SLC15A5: variants seen among roughly 807,000 people sequenced by gnomAD.
The protein encoded by SLC15A5 is solute carrier family 15 member 5.
Under a neutral mutation model 56.1 loss-of-function variants are expected in SLC15A5, and 58 were observed. The observed-to-expected ratio is 1.03, with a 90% CI of 0.84 to 1.29. The LOEUF is 1.29. Ranked by LOEUF, SLC15A5 falls within the 50% of genes most tolerant of loss-of-function variation. The pLI is 0.00. For synonymous variants in SLC15A5, 264 were observed against 250.5 expected, an observed-to-expected ratio of 1.05 and a Z score of -0.51; for missense variants, 681 against 672.1, an observed-to-expected ratio of 1.01 and a Z score of -0.15.
intron 6 of SLC15A5, among the ~76,000 whole-genome samples, chr12:16,219,881 G>A (rs1296066124): frequency 2.6e-5 from 4 of 152,046 alleles, no homozygotes; most frequent in Non-Finnish European, 2.9e-5. Context: ...CAGTGTGTAC[G>A]TGAAAGCTGG....
intron 2 of SLC15A5, among the ~76,000 whole-genome samples, chr12:16,264,031 G>A (rs1317588000): frequency 1.3e-5 from 2 of 152,182 alleles, no homozygotes; most frequent in African/African-American, 4.8e-5. Context: ...ATTGCCTACT[G>A]GAGCTGTGAG....
At chr12:16,266,123 G>T (rs1004806337) in intron 2 of SLC15A5, among the ~76,000 whole-genome samples, 2 of 152,190 alleles carry the variant, frequency 1.3e-5, no homozygotes, top group African/African-American at 4.8e-5. Context: ...CATAAGGTAG[G>T]TGAGGTACAA....
intron 1 of SLC15A5, 103 bp from the exon 2 acceptor site, chr12:16,272,886 A>C: frequency 6.0e-6 from 6 of 997,788 alleles, no homozygotes; most frequent in Non-Finnish European, 8.9e-6. Flanking sequence ...TCATTTTGTG[A>C]TTGTCTTATC....
At chr12:16,233,620 G>A (rs1864320421) in intron 5 of SLC15A5, among the ~76,000 whole-genome samples, 1 of 152,120 alleles carries the variant, frequency 6.6e-6, no homozygotes, top group African/African-American at 2.4e-5. Context: ...CTTTCGTTCT[G>A]GCCTAGAGAG....
chr12:16,256,388 A>G (rs909732399), intron 3 of SLC15A5, among the ~76,000 whole-genome samples: 6 of 152,204 alleles, frequency 3.9e-5, no homozygotes, highest in African/African-American at 9.6e-5. Flanking sequence ...CCTCTTAATT[A>G]AAGTACATAA....
intron 7 of SLC15A5, among the ~76,000 whole-genome samples, chr12:16,212,823 T>G (rs555738327): frequency 5.3e-5 from 8 of 152,220 alleles, no homozygotes; most frequent in South Asian, 4.1e-4. Context: ...CAGAATCAAT[T>G]TTCAAAAATG....
Position 16,235,242 on chromosome 12 carries a change from A to G in SLC15A5, c.1162+4439T>C, listed in dbSNP as rs1440672675. On this transcript the variant is annotated intron_variant, in intron 5 of 8. Transcript: ENST00000344941. The surrounding 1 kb of genome is among the most constrained non-coding windows in gnomAD (Gnocchi z 4.1). The stretch of plus-strand genomic sequence containing the variant: ...TAATATATACAAAACACGACATGTT[A>G]TAAGTATATATGTGTATATATATGT... 2.1e-5 allele frequency among the ~76,000 whole-genome samples: 3 copies of G among 142,214 alleles called. No individual in the cohort carries two copies. Among genetic ancestry groups the G allele is most frequent in the African/African-American group, 7.7e-5 (3 of 38,758 alleles). The allele number at this position is 142,214 out of a possible 152,430, so 93.3% of individuals were successfully genotyped here. A position where few individuals can be genotyped will look rare whatever the true frequency, so the allele number is the denominator to read the frequency against.
intron 5 of SLC15A5, among the ~76,000 whole-genome samples, chr12:16,230,905 A>G (rs181524943): frequency 1.3e-5 from 2 of 149,598 alleles, no homozygotes; most frequent in African/African-American, 4.9e-5. Context: ...CCTAGGCTGC[A>G]GAGCAAGACT....
intron 3 of SLC15A5, among the ~76,000 whole-genome samples, chr12:16,253,923 C>G (rs1864543809): frequency 1.3e-5 from 2 of 151,976 alleles, no homozygotes; most frequent in Non-Finnish European, 2.9e-5. Flanking sequence ...TTCAGCAATC[C>G]CACTTCTGAG....
chr12:16,218,694 T>A (rs1265240782), intron 6 of SLC15A5, among the ~76,000 whole-genome samples: 3 of 152,158 alleles, frequency 2.0e-5, no homozygotes, highest in Non-Finnish European at 4.4e-5. Context: ...CTTATGAAAC[T>A]GCCGTCATAT....
At chr12:16,227,154 T>A (rs1208223202) in intron 5 of SLC15A5, among the ~76,000 whole-genome samples, 1 of 152,172 alleles carries the variant, frequency 6.6e-6, no homozygotes, top group South Asian at 2.1e-4. Context: ...GAGGAATTTT[T>A]AATTTATTAC....
At chr12:16,262,708 G>C (rs1864654547) in intron 2 of SLC15A5, among the ~76,000 whole-genome samples, 1 of 152,328 alleles carries the variant, frequency 6.6e-6, no homozygotes, top group East Asian at 1.9e-4. Context: ...ATTCCCACAT[G>C]TTGTGGGAGG....
rs1007611671 is a variant in SLC15A5 at position 16,196,891 on chromosome 12, A to G, written c.1484-2438T>C. Among the ~76,000 whole-genome samples the G allele has an allele frequency of 1.3e-5, 2 of 152,090 alleles. No homozygotes were observed. Among genetic ancestry groups the G allele is most frequent in the African/African-American group, 2.4e-5 (1 of 41,438 alleles). On this transcript the variant is annotated intron_variant, in intron 7 of 8. Transcript: ENST00000344941. This position sits in a 1 kb window ranked among gnomAD's most constrained non-coding sequence, Gnocchi z 4.0. The stretch of plus-strand genomic sequence containing the variant: ...AAATACCAGCCTTTTGGGAGATACT[A>G]CTAGATCCCCCTGGGCACACCAGAG...
chr12:16,212,383 C>T (rs1172887581), intron 7 of SLC15A5, among the ~76,000 whole-genome samples: 3 of 152,132 alleles, frequency 2.0e-5, no homozygotes, highest in East Asian at 1.9e-4. Context: ...TATGGTCACT[C>T]TCTTTTAGGG....
At chr12:16,245,003 T>C (rs765794912) in intron 3 of SLC15A5, among the ~76,000 whole-genome samples, 9 of 152,126 alleles carry the variant, frequency 5.9e-5, no homozygotes, top group Non-Finnish European at 1.0e-4. Flanking sequence ...CACCTAGCAG[T>C]TGATGTCAAA....
Position 16,194,360 on chromosome 12 carries a change from C to A in SLC15A5, c.1577G>T (p.Cys526Phe). Residue 526 changes from cysteine (C) to phenylalanine (F), a missense_variant, in exon 8 of 9, where the codon TGC becomes TTC. Cys to Phe is a radical substitution (Grantham distance 205). Coordinates refer to ENST00000344941, the MANE Select transcript of SLC15A5 (RefSeq NM_001170798.1). ...ACTTACTTACCTTTGTGAAACACTG[C>A]AGAATCCCAGGACGTTCAACAATGT... ...SLTLLNVLGF[C>F]SVSQRYCNLN... The A allele has an allele frequency of 6.5e-7, 1 of 1,532,694 alleles. No homozygotes were observed. Among genetic ancestry groups the A allele is most frequent in the Non-Finnish European group, 8.7e-7 (1 of 1,143,502 alleles). The allele number at this position is 1,532,694 out of a possible 1,614,324, so 94.9% of individuals were successfully genotyped here. A position where few individuals can be genotyped will look rare whatever the true frequency, so the allele number is the denominator to read the frequency against.
chr12:16,188,722 A>T lies in SLC15A5; in HGVS notation c.*946T>A, dbSNP rs1199996681. ...CTCAAAAAAAGATTTGAGTTAAGGC[A>T]GTCTGTATAGGGGCCAGAAAGATTC... On this transcript the variant is annotated 3_prime_UTR_variant, in exon 9 of 9. Transcript: ENST00000344941. 1 of 152,256 alleles carries T rather than the reference A, an allele frequency of 6.6e-6. No homozygotes were observed. Among genetic ancestry groups the T allele is most frequent in the African/African-American group, 2.4e-5 (1 of 41,484 alleles). 9.4% of individuals were successfully genotyped at this position (152,256 alleles called of 1,614,324 possible).
intron 3 of SLC15A5, among the ~76,000 whole-genome samples, chr12:16,254,360 C>T (rs1864548010): frequency 6.6e-6 from 1 of 152,008 alleles, no homozygotes; most frequent in Non-Finnish European, 1.5e-5. Context: ...AGTGGGTATA[C>T]AGCTTTAGTG....
intron 4 of SLC15A5, among the ~76,000 whole-genome samples, chr12:16,244,308 G>A (rs1034981363): frequency 1.3e-5 from 2 of 152,080 alleles, no homozygotes; most frequent in Non-Finnish European, 2.9e-5. Context: ...TACGCCTTAC[G>A]ACTATGCATT....
Sources: allele counts gnomAD v4.1 joint callset (sites outside exome capture counted in the v4.1 genomes callset), GRCh38; gene constraint gnomAD v4.1.1; non-coding constraint Gnocchi (gnomAD v3.1); transcripts MANE v1.5; gene names NCBI Gene and HGNC (gene_info 2026-07-23, HGNC 2026-07-21).